Variants in GRM8 observed in about 807,000 individuals in gnomAD.
GRM8 encodes glutamate metabotropic receptor 8, also known as metabotropic glutamate receptor 8.
GRM8 carries 47 observed loss-of-function variants against 87.2 expected under a neutral mutation model. That is an observed-to-expected ratio of 0.54 (90% CI 0.43 to 0.69). The LOEUF (loss-of-function observed/expected upper bound fraction) is 0.69, where lower values mean the gene tolerates loss of function less well. Ranked by LOEUF, GRM8 falls within the 30% of genes least tolerant of loss-of-function variation. The pLI is 0.00. For synonymous variants in GRM8, 396 were observed against 404.5 expected (o/e 0.98, Z 0.25); for missense variants, 1,019 against 1,139.2 (o/e 0.89, Z 1.52).
chr7:126,921,934 G>A (rs1377836913), intron 3 of GRM8, among the ~76,000 whole-genome samples: 1 of 152,064 alleles, frequency 6.6e-6, no homozygotes, highest in East Asian at 1.9e-4. Context: ...ATTTCTCAAA[G>A]TGATGATGAA....
intron 8 of GRM8, among the ~76,000 whole-genome samples, chr7:126,599,819 C>T (rs1165273710): frequency 6.6e-6 from 1 of 152,056 alleles, no homozygotes; most frequent in Non-Finnish European, 1.5e-5. Context: ...GAGACATATC[C>T]TTGGATGCTG....
At chr7:126,849,209 G>T (rs1045890712) in intron 6 of GRM8, among the ~76,000 whole-genome samples, 9 of 152,004 alleles carry the variant, frequency 5.9e-5, no homozygotes, top group Non-Finnish European at 1.0e-4. Flanking sequence ...AGAAAGAAAA[G>T]AAAATTTAAA....
At chr7:127,040,835 A>G (rs1268287967) in intron 3 of GRM8, among the ~76,000 whole-genome samples, 1 of 152,200 alleles carries the variant, frequency 6.6e-6, no homozygotes, top group Non-Finnish European at 1.5e-5. Flanking sequence ...TCTTTCTTAA[A>G]GCTACGAGCT....
intron 3 of GRM8, among the ~76,000 whole-genome samples, chr7:127,094,753 G>T (rs1824476540): frequency 6.6e-6 from 1 of 152,202 alleles, no homozygotes; most frequent in Non-Finnish European, 1.5e-5. Flanking sequence ...TTGGCAATAG[G>T]AGTTAGGTAG....
intron 10 of GRM8, among the ~76,000 whole-genome samples, chr7:126,443,741 G>T (rs1801713823): frequency 6.6e-6 from 1 of 151,826 alleles, no homozygotes; most frequent in Non-Finnish European, 1.5e-5. Context: ...CTCCAAATAG[G>T]CCTTGTTTTT....
intron 9 of GRM8, among the ~76,000 whole-genome samples, chr7:126,484,281 G>T (rs2150608263): frequency 6.6e-6 from 1 of 152,134 alleles, no homozygotes; most frequent in South Asian, 2.1e-4. Context: ...GCAGCCTTTG[G>T]CAAGGACAGC....
At chr7:126,623,457 T>C (rs1356957888) in intron 7 of GRM8, among the ~76,000 whole-genome samples, 1 of 152,202 alleles carries the variant, frequency 6.6e-6, no homozygotes, top group East Asian at 1.9e-4. Context: ...TACTACAGCT[T>C]ATCACAATTC....
chr7:126,823,873 T>C (rs1014245411), intron 6 of GRM8, among the ~76,000 whole-genome samples: 10 of 152,142 alleles, frequency 6.6e-5, no homozygotes, highest in African/African-American at 2.2e-4. Context: ...AGCAACCACA[T>C]TCCAGGTCCT....
At chr7:126,537,229 G>A (rs556079013) in intron 8 of GRM8, among the ~76,000 whole-genome samples, 24 of 152,264 alleles carry the variant, frequency 1.6e-4, no homozygotes, top group African/African-American at 5.3e-4. Flanking sequence ...AAAGGAGACT[G>A]TAATGTTATA....
chr7:126,567,722 A>G (rs929434623), intron 8 of GRM8, among the ~76,000 whole-genome samples: 3 of 152,156 alleles, frequency 2.0e-5, no homozygotes, highest in African/African-American at 7.2e-5. Flanking sequence ...CGGTTAGGTA[A>G]GAACTTGGTC....
chr7:127,185,842 A>G (rs1794706724), intron 2 of GRM8, among the ~76,000 whole-genome samples: 1 of 152,184 alleles, frequency 6.6e-6, no homozygotes, highest in Non-Finnish European at 1.5e-5. Context: ...CTTGGCCACA[A>G]AAAATTTTAC....
At chr7:127,196,816 G>A (rs539798219) in intron 2 of GRM8, among the ~76,000 whole-genome samples, 1 of 152,264 alleles carries the variant, frequency 6.6e-6, no homozygotes, top group South Asian at 2.1e-4. Flanking sequence ...CTGTAACATA[G>A]AGATGATAAT....
chr7:127,145,803 C>G (rs1828524229), intron 2 of GRM8, among the ~76,000 whole-genome samples: 1 of 151,978 alleles, frequency 6.6e-6, no homozygotes, highest in Admixed American at 6.6e-5. Flanking sequence ...AACAAAAACG[C>G]AAATAAGTTT....
chr7:126,580,629 G>A (rs1357114718), intron 8 of GRM8, among the ~76,000 whole-genome samples: 1 of 152,058 alleles, frequency 6.6e-6, no homozygotes, highest in Non-Finnish European at 1.5e-5. Context: ...TTGAATTTTA[G>A]CTATGTCTCC....
chr7:126,689,016 G>C (rs527856278), intron 7 of GRM8, among the ~76,000 whole-genome samples: 36 of 152,290 alleles, frequency 2.4e-4, no homozygotes, highest in African/African-American at 8.2e-4. Flanking sequence ...GAAAACTCTG[G>C]AAAACAGCTG....
chr7:126,855,540 A>G (rs1264248989), intron 6 of GRM8, among the ~76,000 whole-genome samples: 2 of 147,504 alleles, frequency 1.4e-5, no homozygotes, highest in Non-Finnish European at 3.0e-5. Context: ...CAATAGAGTG[A>G]TCTTGGCTCA....
At chr7:127,226,430 A>G (rs967858617) in intron 2 of GRM8, among the ~76,000 whole-genome samples, 1 of 152,208 alleles carries the variant, frequency 6.6e-6, no homozygotes, top group African/African-American at 2.4e-5. Context: ...GCCAACTCTA[A>G]TAGATTTTTC....
intron 2 of GRM8, among the ~76,000 whole-genome samples, chr7:127,187,602 G>A (rs563509386): frequency 6.6e-6 from 1 of 152,102 alleles, no homozygotes; most frequent in South Asian, 2.1e-4. Flanking sequence ...TGTCACATAC[G>A]CGCATTTGGT....
At chr7:127,036,191 T>G (rs79022027) in intron 3 of GRM8, among the ~76,000 whole-genome samples, 1,819 of 152,208 alleles carry the variant, frequency 0.012, 14 homozygotes, top group Middle Eastern at 0.027. Flanking sequence ...CAGTTCTAAT[T>G]CTTATACCTA....
Sources: gnomAD v4.1 joint callset for allele counts (sites outside exome capture counted in the v4.1 genomes callset) on GRCh38, gnomAD v4.1.1 for gene constraint, MANE v1.5 for transcripts, NCBI Gene and HGNC (gene_info 2026-07-23, HGNC 2026-07-21) for gene names.